Variants in NXPH2 observed in about 807,000 individuals in gnomAD.
The protein encoded by NXPH2 is neurexophilin 2, also known as neurexophilin-2.
A neutral mutation model predicts 19.8 loss-of-function variants in NXPH2; 5 were observed. That is an observed-to-expected ratio of 0.25 (90% CI 0.13 to 0.53). The LOEUF is 0.53. Ranked by LOEUF, NXPH2 falls within the 20% of genes least tolerant of loss-of-function variation. NXPH2 has a pLI of 0.96. For synonymous variants in NXPH2, 154 were observed against 127.4 expected (o/e 1.21, Z -1.41); for missense variants, 289 against 322.8 (o/e 0.90, Z 0.80).
chr2:138,679,400 A>ATTTTT (rs34158790), intron 1 of NXPH2, among the ~76,000 whole-genome samples: 1 of 139,976 alleles, frequency 7.1e-6, no homozygotes, highest in Admixed American at 7.2e-5. Flanking sequence ...AGAGGCCTGA[A>ATTTTT]TTTTTTTTTT....
chr2:138,773,129 A>C (rs1159108247), intron 1 of NXPH2, among the ~76,000 whole-genome samples: 1 of 152,232 alleles, frequency 6.6e-6, no homozygotes, highest in Non-Finnish European at 1.5e-5. Flanking sequence ...GTTGAGTGTG[A>C]GTTAACAGTA....
intron 1 of NXPH2, among the ~76,000 whole-genome samples, chr2:138,722,162 C>T (rs75381890): frequency 2.6e-5 from 4 of 152,270 alleles, no homozygotes; most frequent in Non-Finnish European, 5.9e-5. Context: ...TTAAAGAATG[C>T]TACTGATGGT....
chr2:138,734,011 A>G (rs1291689975), intron 1 of NXPH2, among the ~76,000 whole-genome samples: 4 of 152,206 alleles, frequency 2.6e-5, no homozygotes, highest in African/African-American at 9.6e-5. Context: ...TTGGGAGGCC[A>G]AGGCAGGTGG....
At chr2:138,775,706 C>A (rs1276867529) in intron 1 of NXPH2, among the ~76,000 whole-genome samples, 3 of 152,016 alleles carry the variant, frequency 2.0e-5, no homozygotes, top group Non-Finnish European at 2.9e-5. Context: ...GTTACAAAGT[C>A]AATAATATAG....
At chr2:138,727,459 G>A in intron 1 of NXPH2, among the ~76,000 whole-genome samples, 1 of 151,884 alleles carries the variant, frequency 6.6e-6, no homozygotes, top group Admixed American at 6.6e-5. Flanking sequence ...TTTTTTGTTT[G>A]TTTGTTTGTT....
At chr2:138,735,976 T>C (rs2105002908) in intron 1 of NXPH2, among the ~76,000 whole-genome samples, 1 of 152,338 alleles carries the variant, frequency 6.6e-6, no homozygotes, top group Admixed American at 6.5e-5. Context: ...CACCTCCAGA[T>C]CACACATGCA....
chr2:138,766,046 G>A (rs1414811628), intron 1 of NXPH2, among the ~76,000 whole-genome samples: 1 of 152,172 alleles, frequency 6.6e-6, no homozygotes, highest in East Asian at 1.9e-4. Context: ...TAGTAGGAAA[G>A]GAAATCTTGT....
chr2:138,769,018 A>T (rs1682134114), intron 1 of NXPH2, among the ~76,000 whole-genome samples: 1 of 152,226 alleles, frequency 6.6e-6, no homozygotes, highest in South Asian at 2.1e-4. Flanking sequence ...AGAGTATGTG[A>T]TAAATATTGG....
chr2:138,729,537 T>C (rs547339181), intron 1 of NXPH2, among the ~76,000 whole-genome samples: 14 of 152,320 alleles, frequency 9.2e-5, no homozygotes, highest in Admixed American at 3.9e-4. Flanking sequence ...CTTTAAAAAA[T>C]AGAAATCAAA....
At chr2:138,684,746 A>G (rs1412194460) in intron 1 of NXPH2, among the ~76,000 whole-genome samples, 1 of 152,178 alleles carries the variant, frequency 6.6e-6, no homozygotes, top group African/African-American at 2.4e-5. Context: ...TGTCCTCTGG[A>G]CTTGCTGGGG....
At position 138,670,954 on chromosome 2, in the gene NXPH2, G is replaced by T; in HGVS notation, c.763C>A (p.His255Asn). 1 of 1,613,702 alleles carries T rather than the reference G, an allele frequency of 6.2e-7. No homozygotes were observed. The highest frequency in any genetic ancestry group is 8.5e-7 in the Non-Finnish European group (1 of 1,179,806). Reference sequence around the variant, plus strand: ...GAAGATAAGTATGGGGTCTCACTATGGTAATTGTAGTCAGGGCACACCTTT... The same window carrying T: ...GAAGATAAGTATGGGGTCTCACTATTGTAATTGTAGTCAGGGCACACCTTT... ...VQKVCPDYNY[H>N]SETPYLSSG The change falls in exon 2 of 2, where the codon CAT (histidine) becomes AAT (asparagine). Residue 255 changes from histidine to asparagine, a missense_variant. Coordinates refer to ENST00000272641, the MANE Select transcript of NXPH2 (RefSeq NM_007226.3).
rs367850235 is a variant in NXPH2, at chr2:138,671,159, A to G, written c.558T>C (p.Asn186=). 45 of 1,613,854 alleles carry G rather than the reference A, an allele frequency of 2.8e-5. No individual in the cohort carries two copies. The highest frequency in any genetic ancestry group is 3.8e-5 in the Non-Finnish European group (45 of 1,179,878). ...CTGTTTTTTCATACTCAATGCGACA[A>G]TTGAAAGATTTGGATTCCTTGGTCT... The part of the protein sequence containing the change: ...TLETKESKSF[N]CRIEYEKTDR... Residue 186 remains asparagine, a synonymous_variant, in exon 2 of 2, where the codon AAT becomes AAC. Transcript: ENST00000272641.
chr2:138,774,171 C>T (rs554120280), intron 1 of NXPH2, among the ~76,000 whole-genome samples: 3 of 152,120 alleles, frequency 2.0e-5, no homozygotes, highest in South Asian at 2.1e-4. Context: ...GTCAATTTTC[C>T]GTTTATTTAA....
At chr2:138,731,565 TGGTA>T (rs770149363) in intron 1 of NXPH2, among the ~76,000 whole-genome samples, 1 of 152,054 alleles carries the variant, frequency 6.6e-6, no homozygotes, top group Non-Finnish European at 1.5e-5. Context: ...GCTAATCCCT[TGGTA>T]GGTAGGGCAG....
At chr2:138,686,175 T>C (rs953625259) in intron 1 of NXPH2, among the ~76,000 whole-genome samples, 3 of 152,222 alleles carry the variant, frequency 2.0e-5, no homozygotes, top group Non-Finnish European at 4.4e-5. Context: ...GAGGGGCGTC[T>C]TTCCTGGCAT....
At chr2:138,780,094 A>G (rs899132490) in intron 1 of NXPH2, 97 bp downstream of exon 1, 3 of 1,258,530 alleles carry the variant, frequency 2.4e-6, no homozygotes, top group African/African-American at 1.6e-5. Context: ...CCACTTCCCA[A>G]GCAGGCCCAG....
At chr2:138,686,600 G>A (rs998365942) in intron 1 of NXPH2, among the ~76,000 whole-genome samples, 2 of 151,842 alleles carry the variant, frequency 1.3e-5, no homozygotes, top group Admixed American at 1.3e-4. Flanking sequence ...TGTGCACAAC[G>A]TGCAAGTTTG....
At chr2:138,778,701 A>T (rs985012342) in intron 1 of NXPH2, among the ~76,000 whole-genome samples, 1 of 152,246 alleles carries the variant, frequency 6.6e-6, no homozygotes, top group African/African-American at 2.4e-5. Context: ...CTGCTTTGTT[A>T]GATCACCTTT....
At position 138,670,943 on chromosome 2, in the gene NXPH2, G is replaced by A. The variant is rs200814486; in HGVS notation, c.774C>T (p.Thr258=). ...AAGATCAGCCAGAAGATAAGTATGG[G>A]GTCTCACTATGGTAATTGTAGTCAG... ...VCPDYNYHSE[T]PYLSSG Residue 258 remains threonine (T), a synonymous_variant, in exon 2 of 2, where the codon ACC becomes ACT. Transcript: ENST00000272641. The A allele has an allele frequency of 5.0e-6, 8 of 1,613,248 alleles. No individual in the cohort carries two copies. Among genetic ancestry groups the A allele is most frequent in the African/African-American group, 1.3e-5 (1 of 74,974 alleles).
Sources: allele counts gnomAD v4.1 joint callset (sites outside exome capture counted in the v4.1 genomes callset), GRCh38; gene constraint gnomAD v4.1.1; transcripts MANE v1.5; gene names NCBI Gene and HGNC (gene_info 2026-07-23, HGNC 2026-07-21).